Variants in CHCHD3 observed in about 807,000 individuals in gnomAD.
CHCHD3 encodes the protein MICOS complex subunit MIC19.
In CHCHD3, 20 loss-of-function variants were observed where a neutral mutation model predicts 38.2. The ratio of observed to expected loss-of-function variants is 0.52; its 90% CI spans 0.37 to 0.76. The LOEUF is 0.76. CHCHD3 is among the 30% of genes least tolerant of loss of function. The probability of loss-of-function intolerance (pLI) is 0.00; values close to 1 mark genes in which losing one functional copy is unlikely to be tolerated. For synonymous variants in CHCHD3, 82 were observed against 100.0 expected (o/e 0.82, Z 1.07); for missense variants, 245 against 279.2 (o/e 0.88, Z 0.87).
chr7:132,843,604 T>C (rs1433412530), intron 5 of CHCHD3, among the ~76,000 whole-genome samples: 1 of 152,168 alleles, frequency 6.6e-6, no homozygotes, highest in Admixed American at 6.5e-5. Flanking sequence ...TCTTCACACA[T>C]TGCCTAGCAA....
intron 6 of CHCHD3, among the ~76,000 whole-genome samples, chr7:132,813,230 C>A (rs1229515543): frequency 6.6e-6 from 1 of 152,204 alleles, no homozygotes; most frequent in Non-Finnish European, 1.5e-5. Context: ...GGGAACAAGG[C>A]AGACCTGTGA....
chr7:133,055,220 T>A (rs1814283080), intron 2 of CHCHD3, among the ~76,000 whole-genome samples: 1 of 148,368 alleles, frequency 6.7e-6, no homozygotes, highest in Non-Finnish European at 1.5e-5. Context: ...AATATACACA[T>A]ATAATTTTGC....
In CHCHD3 at chr7:133,035,277, T is replaced by C. The variant is rs1813637913; in HGVS notation, c.170-10650A>G. 1 of 1,612,948 alleles carries C rather than the reference T, an allele frequency of 6.2e-7. No homozygotes were observed. Among genetic ancestry groups the C allele is most frequent in the South Asian group, 1.1e-5 (1 of 91,068 alleles). ...CTCTGCAAACTTTTTAGCATCAAAC[T>C]GGGCCATCTTCTCACACAGTTTCAG... is the stretch of plus-strand genomic sequence containing the variant. On this transcript the variant is annotated intron_variant, in intron 2 of 7. Transcript: ENST00000262570. The surrounding 1 kb of genome is among the most constrained non-coding windows in gnomAD (Gnocchi z 4.7).
At chr7:132,903,236 C>A (rs1051421849) in intron 4 of CHCHD3, among the ~76,000 whole-genome samples, 1 of 152,188 alleles carries the variant, frequency 6.6e-6, no homozygotes, top group African/African-American at 2.4e-5. Context: ...TAAAGCATCT[C>A]TAGATTACTT....
intron 4 of CHCHD3, among the ~76,000 whole-genome samples, chr7:132,924,608 T>C (rs915200408): frequency 5.9e-5 from 9 of 152,194 alleles, no homozygotes; most frequent in East Asian, 3.9e-4. Context: ...CTAGCAACTA[T>C]AGAATATTCA....
chr7:132,788,323 G>A lies in CHCHD3; in HGVS notation c.661-2663C>T, dbSNP rs1585513969. ...CATTTGGGGGGGTTATAGATTCACT[G>A]CTTTCTTCAACACACTGATGGGAGC... On this transcript the variant is annotated intron_variant, in intron 7 of 7. Transcript: ENST00000262570. This position sits in a 1 kb window ranked among gnomAD's most constrained non-coding sequence, Gnocchi z 4.0. Among the ~76,000 whole-genome samples, 2 of 152,270 alleles carry A rather than the reference G, an allele frequency of 1.3e-5. No homozygotes were observed. The highest frequency in any genetic ancestry group is 2.4e-5 in the African/African-American group (1 of 41,560).
chr7:132,811,262 A>T (rs1003028589), intron 6 of CHCHD3, among the ~76,000 whole-genome samples: 2 of 152,168 alleles, frequency 1.3e-5, no homozygotes, highest in African/African-American at 4.8e-5. Flanking sequence ...TTCTCTCCTG[A>T]GATGGTTCTC....
At chr7:132,974,050 T>C (rs1218670735) in intron 4 of CHCHD3, 1 of 1,270,768 alleles carries the variant, frequency 7.9e-7, no homozygotes, top group Admixed American at 2.6e-5. Flanking sequence ...AAGAAATTGC[T>C]TAATAAATTA....
At chr7:133,069,556 G>A (rs1433277892) in intron 2 of CHCHD3, among the ~76,000 whole-genome samples, 1 of 152,124 alleles carries the variant, frequency 6.6e-6, no homozygotes, top group Non-Finnish European at 1.5e-5. Context: ...TAAAATACTG[G>A]ATAAACAGAT....
chr7:132,951,130 T>C (rs927656296), intron 4 of CHCHD3, among the ~76,000 whole-genome samples: 1 of 152,166 alleles, frequency 6.6e-6, no homozygotes, highest in East Asian at 1.9e-4. Flanking sequence ...CCCCCACTGT[T>C]TGTCTGCATG....
At chr7:132,825,528 A>G (rs987196309) in intron 6 of CHCHD3, among the ~76,000 whole-genome samples, 2 of 152,258 alleles carry the variant, frequency 1.3e-5, no homozygotes, top group Non-Finnish European at 2.9e-5. Context: ...CTATACCAGC[A>G]ATGCTAATTT....
chr7:132,894,111 T>A lies in CHCHD3; in HGVS notation c.370-8366A>T, dbSNP rs75917334. 3.7e-3 allele frequency among the ~76,000 whole-genome samples: 567 copies of A among 152,282 alleles called. 3 individuals are homozygous for A. Among genetic ancestry groups the A allele is most frequent in the African/African-American group, 0.013 (545 of 41,536 alleles). Reference sequence around the variant, plus strand: ...AAAGTGATCTGGTGGTGTTTTGCTTTAAATTATCCCAGAAGTTCTCTCATA... The same window carrying A: ...AAAGTGATCTGGTGGTGTTTTGCTTAAAATTATCCCAGAAGTTCTCTCATA... On this transcript the variant is annotated intron_variant, in intron 4 of 7. Coordinates refer to ENST00000262570, the MANE Select transcript of CHCHD3 (RefSeq NM_017812.4).
intron 2 of CHCHD3, chr7:133,034,495 A>C: frequency 2.4e-5 from 20 of 835,940 alleles, no homozygotes; most frequent in Non-Finnish European, 3.0e-5. Context: ...TCCTTTCAGC[A>C]ATTGGATCCA....
At chr7:132,945,189 C>T (rs1390316461) in intron 4 of CHCHD3, among the ~76,000 whole-genome samples, 1 of 151,644 alleles carries the variant, frequency 6.6e-6, no homozygotes, top group Non-Finnish European at 1.5e-5. Flanking sequence ...TTTAAAATTG[C>T]CATTAAAAAT....
chr7:132,867,371 A>G (rs1808659502), intron 5 of CHCHD3, among the ~76,000 whole-genome samples: 1 of 152,232 alleles, frequency 6.6e-6, no homozygotes, highest in South Asian at 2.1e-4. Context: ...TAAAGCCTTA[A>G]AAGGTATTAC....
chr7:132,984,080 C>G (rs1167990100), intron 3 of CHCHD3, among the ~76,000 whole-genome samples: 1 of 152,040 alleles, frequency 6.6e-6, no homozygotes, highest in African/African-American at 2.4e-5. Context: ...GTCTCCCTCT[C>G]CCTCTCTTTC....
Position 133,035,798 on chromosome 7 carries a change from G to A in CHCHD3, c.170-11171C>T. On this transcript the variant is annotated intron_variant, in intron 2 of 7. Transcript: ENST00000262570. The surrounding 1 kb of genome is among the most constrained non-coding windows in gnomAD (Gnocchi z 4.7). ...GAAATTCAGAGGTGCGGTTGGTTTG[G>A]CCAAAATGGAAGTGGGGTGGTGCGG... is the stretch of plus-strand genomic sequence containing the variant. The A allele has an allele frequency of 6.2e-7, 1 of 1,613,162 alleles. No individual in the cohort carries two copies. The highest frequency in any genetic ancestry group is 8.5e-7 in the Non-Finnish European group (1 of 1,179,198).
intron 5 of CHCHD3, among the ~76,000 whole-genome samples, chr7:132,870,484 T>C (rs1156689114): frequency 2.6e-5 from 4 of 151,916 alleles, no homozygotes; most frequent in African/African-American, 9.7e-5. Flanking sequence ...ATTATCAACC[T>C]CCTAGAGACT....
chr7:132,911,043 A>G (rs1215217211), intron 4 of CHCHD3, among the ~76,000 whole-genome samples: 1 of 152,226 alleles, frequency 6.6e-6, no homozygotes, highest in Non-Finnish European at 1.5e-5. Context: ...AGATGCAATA[A>G]CAGATTAGGC....
Sources: gnomAD v4.1 joint callset for allele counts (sites outside exome capture counted in the v4.1 genomes callset) on GRCh38, gnomAD v4.1.1 for gene constraint, Gnocchi (gnomAD v3.1) non-coding constraint, MANE v1.5 for transcripts, NCBI Gene and HGNC (gene_info 2026-07-23, HGNC 2026-07-21) for gene names.